The following PACS2 variants were observed in gnomAD, a reference collection of about 807,000 sequenced individuals.
PACS2 encodes PACS1-like protein.
A neutral mutation model predicts 113.0 loss-of-function variants in PACS2; 36 were observed. That is an observed-to-expected ratio of 0.32 (90% CI 0.24 to 0.42). The LOEUF is 0.42. PACS2 is among the 10% of genes least tolerant of loss of function. The probability of loss-of-function intolerance (pLI) is 1.00; values close to 1 mark genes in which losing one functional copy is unlikely to be tolerated. For synonymous variants in PACS2, 589 were observed against 536.1 expected, an observed-to-expected ratio of 1.10 and a Z score of -1.36; for missense variants, 1,015 against 1,239.5, an observed-to-expected ratio of 0.82 and a Z score of 2.72.
intron 24 of PACS2, 110 bp from the exon 25 acceptor site, chr14:105,394,441 CCTT>C (rs2081476561): frequency 2.0e-6 from 3 of 1,531,484 alleles, no homozygotes; most frequent in Admixed American, 3.8e-5. Flanking sequence ...GCATGGGGCT[CCTT>C]CTCATCCTGT....
At chr14:105,342,506 T>C (rs1245025778) in intron 1 of PACS2, among the ~76,000 whole-genome samples, 1 of 151,850 alleles carries the variant, frequency 6.6e-6, no homozygotes, top group Non-Finnish European at 1.5e-5. Context: ...TGGCCTCAAG[T>C]GATCCACCCG....
At chr14:105,377,352 G>C (rs587610173) in intron 9 of PACS2, among the ~76,000 whole-genome samples, 1 of 152,278 alleles carries the variant, frequency 6.6e-6, no homozygotes, top group East Asian at 1.9e-4. Flanking sequence ...CAGGTGGGGA[G>C]GGGGAGGGCA....
chr14:105,329,938 C>T lies in PACS2; in HGVS notation c.119+14901C>T, dbSNP rs147283193. 1.1e-4 allele frequency among the ~76,000 whole-genome samples: 17 copies of T among 152,296 alleles called. No homozygotes were observed. In the East Asian group the frequency reaches 2.3e-3, roughly 21 times the overall value. Reference sequence around the variant, plus strand: ...ATGAAACCCATCCCTGTGGTCTGCACGTCCATGCCAGGGCCGAGCCCCCAG... The same window carrying T: ...ATGAAACCCATCCCTGTGGTCTGCATGTCCATGCCAGGGCCGAGCCCCCAG... On this transcript the variant is annotated intron_variant, in intron 1 of 24. Transcript: ENST00000447393. This position sits in a 1 kb window ranked among gnomAD's most constrained non-coding sequence, Gnocchi z 6.4.
intron 1 of PACS2, among the ~76,000 whole-genome samples, chr14:105,332,482 G>A (rs1462740324): frequency 6.6e-6 from 1 of 152,238 alleles, no homozygotes; most frequent in Non-Finnish European, 1.5e-5. Context: ...GGCCACACAG[G>A]AAGCAGTTGG....
Position 105,383,471 on chromosome 14 carries a change from C to G in PACS2, c.1738C>G (p.Pro580Ala), listed in dbSNP as rs782104181. Reference sequence around the variant, plus strand: ...TGTGGAGCAGCTGTCCCACAAGACACCCGACTGGCTCGGCTACATGCGCTT... The same window carrying G: ...TGTGGAGCAGCTGTCCCACAAGACAGCCGACTGGCTCGGCTACATGCGCTT... The part of the protein sequence containing the change: ...LFVEQLSHKT[P>A]DWLGYMRFLV... The change falls in exon 16 of 25, where the codon CCC becomes GCC. Residue 580 changes from proline (P) to alanine (A), a missense_variant. By Grantham distance (27) the Pro-to-Ala change is conservative. Transcript: ENST00000447393. 2 of 1,607,884 alleles carry G rather than the reference C, an allele frequency of 1.2e-6. No individual in the cohort carries two copies. The highest frequency in any genetic ancestry group is 1.7e-6 in the Non-Finnish European group (2 of 1,178,508).
rs587669965 is a variant in PACS2, at chr14:105,337,327, C to T, written c.120-11166C>T. On this transcript the variant is annotated intron_variant, in intron 1 of 24. Transcript: ENST00000447393. Reference sequence around the variant, plus strand: ...GGGGTTGAATGGGTAGTTTCAGTTGCGCAAGGTGAAGAGAGTTCTCGGGAT... The same window carrying T: ...GGGGTTGAATGGGTAGTTTCAGTTGTGCAAGGTGAAGAGAGTTCTCGGGAT... Among the ~76,000 whole-genome samples, 11 of 152,194 alleles carry T rather than the reference C, an allele frequency of 7.2e-5. No homozygotes were observed. The South Asian group carries it at 1.0e-3, about 14-fold the overall frequency.
intron 1 of PACS2, among the ~76,000 whole-genome samples, chr14:105,306,373 G>C (rs1471639056): frequency 1.3e-5 from 2 of 152,118 alleles, no homozygotes; most frequent in Non-Finnish European, 1.5e-5. Flanking sequence ...GCGCCATCTC[G>C]ACTCAGTGCA....
intron 24 of PACS2, 154 bp from the exon 25 acceptor site, chr14:105,394,400 G>T: frequency 4.1e-6 from 4 of 985,276 alleles, no homozygotes; most frequent in Non-Finnish European, 3.6e-6. Flanking sequence ...TGGAGCCCCC[G>T]AGTCCCTGAG....
In PACS2 at chr14:105,368,512, G is replaced by A. The variant is rs782139923; in HGVS notation, c.714G>A (p.Ser238=). Residue 238 remains serine, a synonymous_variant, in exon 7 of 25, where the codon TCG becomes TCA. Coordinates refer to ENST00000447393, the MANE Select transcript of PACS2 (RefSeq NM_001100913.3). ...GGAAGCCGAAGAAGCAGCGGAGATC[G>A]ATTGTAAGAACGACGTCCATGACCA... The part of the protein sequence containing the change: ...DVGKPKKQRR[S]IVRTTSMTRQ... 3.1e-6 allele frequency: 5 copies of A among 1,614,004 alleles called. No homozygotes were observed. The highest frequency in any genetic ancestry group is 3.4e-6 in the Non-Finnish European group (4 of 1,179,908).
chr14:105,394,460 C>T (rs587657485), intron 24 of PACS2, 94 bp from the exon 25 acceptor site: 137 of 1,576,218 alleles, frequency 8.7e-5, no homozygotes, highest in Admixed American at 1.2e-4. Context: ...CCTGTACGCC[C>T]GGCTGCCACC....
chr14:105,361,024 T>C (rs907797075), intron 4 of PACS2, among the ~76,000 whole-genome samples: 2 of 152,260 alleles, frequency 1.3e-5, no homozygotes, highest in Non-Finnish European at 2.9e-5. Context: ...CAGGCTCTGC[T>C]TCTAATCCCA....
intron 4 of PACS2, among the ~76,000 whole-genome samples, chr14:105,360,621 G>C (rs1349941821): frequency 6.6e-6 from 1 of 152,032 alleles, no homozygotes; most frequent in East Asian, 1.9e-4. Flanking sequence ...GCTGGTGGGG[G>C]TCCTTAGTGT....
intron 5 of PACS2, 62 bp from the exon 6 acceptor site, chr14:105,368,012 C>A: frequency 9.1e-7 from 1 of 1,095,792 alleles, no homozygotes; most frequent in South Asian, 1.3e-5. Flanking sequence ...TGGGGGTGGT[C>A]ACTGCCTGGT....
At position 105,324,072 on chromosome 14, in the gene PACS2, G is replaced by A. The variant is rs2059002190; in HGVS notation, c.119+9035G>A. On this transcript the variant is annotated intron_variant, in intron 1 of 24. Coordinates refer to ENST00000447393, the MANE Select transcript of PACS2 (RefSeq NM_001100913.3). This position sits in a 1 kb window ranked among gnomAD's most constrained non-coding sequence, Gnocchi z 4.7. Reference sequence around the variant, plus strand: ...TTGTGCAGGAGATGGAGGGCAGGGGGCTACAGTGCCCTTGGACTAAAGGAT... The same window carrying A: ...TTGTGCAGGAGATGGAGGGCAGGGGACTACAGTGCCCTTGGACTAAAGGAT... Among the ~76,000 whole-genome samples, 1 of 152,226 alleles carries A rather than the reference G, an allele frequency of 6.6e-6. No homozygotes were observed. The highest frequency in any genetic ancestry group is 2.1e-4 in the South Asian group (1 of 4,838).
At position 105,355,761 on chromosome 14, in the gene PACS2, A is replaced by G. The variant is rs1184110645; in HGVS notation, c.423+584A>G. ...CAAGCAGCAGCCCACCTTGCTCCAG[A>G]GAACCCAGCGTTCCAAGGAGGCTGC... On this transcript the variant is annotated intron_variant, in intron 4 of 24. Transcript: ENST00000447393. This position sits in a 1 kb window ranked among gnomAD's most constrained non-coding sequence, Gnocchi z 4.1. Among the ~76,000 whole-genome samples the G allele has an allele frequency of 6.6e-6, 1 of 152,246 alleles. No individual in the cohort carries two copies. Among genetic ancestry groups the G allele is most frequent in the African/African-American group, 2.4e-5 (1 of 41,472 alleles).
Position 105,394,651 on chromosome 14 carries a change from A to AG in PACS2, c.2694_2695insG (p.His899AlafsTer21). On this transcript the variant is annotated frameshift_variant, in exon 25 of 25. Coordinates refer to ENST00000447393, the MANE Select transcript of PACS2 (RefSeq NM_001100913.3). LOFTEE classifies it high-confidence loss of function. ...AGCACTTCCCCATCTGCATCTTCGG[A>AG]CACTCCAAGGCCACCTTCTAGCCCC... is the stretch of plus-strand genomic sequence containing the variant. 1 of 1,612,746 alleles carries AG rather than the reference A, an allele frequency of 6.2e-7. No individual in the cohort carries two copies. Among genetic ancestry groups the AG allele is most frequent in the East Asian group, 2.2e-5 (1 of 44,872 alleles).
chr14:105,328,044 C>A (rs891327253), intron 1 of PACS2, among the ~76,000 whole-genome samples: 2 of 152,286 alleles, frequency 1.3e-5, no homozygotes, highest in Non-Finnish European at 2.9e-5. Context: ...TGCCTCCCCC[C>A]AGGATTCGTC....
At chr14:105,302,029 C>G (rs933460114) in intron 1 of PACS2, among the ~76,000 whole-genome samples, 3 of 151,946 alleles carry the variant, frequency 2.0e-5, no homozygotes, top group African/African-American at 7.2e-5. Flanking sequence ...ATCCCAGCTA[C>G]TCGCGAGTCT....
chr14:105,393,267 A>G lies in PACS2; in HGVS notation c.2528A>G (p.Lys843Arg). Reference protein sequence around the residue: ...KKAKDKDVESKSQCIEGISRL... With the variant: ...KKAKDKDVESRSQCIEGISRL... Reference sequence around the variant, plus strand: ...GCGAAGGACAAGGACGTGGAGTCTAAGAGCCAGTGCATTGAGGGCATCAGC... The same window carrying G: ...GCGAAGGACAAGGACGTGGAGTCTAGGAGCCAGTGCATTGAGGGCATCAGC... Residue 843 changes from lysine (K) to arginine (R), a missense_variant, in exon 24 of 25, where the codon AAG becomes AGG. Lys to Arg is a conservative substitution (Grantham distance 26). Coordinates refer to ENST00000447393, the MANE Select transcript of PACS2 (RefSeq NM_001100913.3). The G allele has an allele frequency of 1.2e-6, 2 of 1,612,920 alleles. No individual in the cohort carries two copies. Among genetic ancestry groups the G allele is most frequent in the Non-Finnish European group, 8.5e-7 (1 of 1,179,966 alleles).
Sources: allele counts gnomAD v4.1 joint callset (sites outside exome capture counted in the v4.1 genomes callset), GRCh38; gene constraint gnomAD v4.1.1; non-coding constraint Gnocchi (gnomAD v3.1); transcripts MANE v1.5; gene names NCBI Gene and HGNC (gene_info 2026-07-23, HGNC 2026-07-21).